The following SGK1 variants were observed in gnomAD, a reference collection of about 807,000 sequenced individuals.
SGK1 encodes serine/threonine-protein kinase Sgk1.
A neutral mutation model predicts 64.2 loss-of-function variants in SGK1; 26 were observed. The ratio of observed to expected loss-of-function variants is 0.40; its 90% CI spans 0.30 to 0.56. The LOEUF (loss-of-function observed/expected upper bound fraction) is 0.56, where lower values mean the gene tolerates loss of function less well. SGK1 is among the 20% of genes least tolerant of loss of function. The pLI is 0.38. For synonymous variants in SGK1, 265 were observed against 239.7 expected, an observed-to-expected ratio of 1.11 and a Z score of -0.98; for missense variants, 519 against 645.6, an observed-to-expected ratio of 0.80 and a Z score of 2.12.
chr6:134,175,044 CCCGGGCGGGGGCGCGAGGA>C (rs1212393704), intron 3 of SGK1: 1 of 705,758 alleles, frequency 1.4e-6, no homozygotes, highest in Non-Finnish European at 2.1e-6. Context: ...GAGGGCGAGC[CCCGGGCGGGGGCGCGAGGA>C]CCGCCCGGGG....
intron 1 of SGK1, among the ~76,000 whole-genome samples, chr6:134,270,463 T>C (rs1776921945): frequency 6.7e-6 from 1 of 148,402 alleles, no homozygotes; most frequent in African/African-American, 2.4e-5. Context: ...TATTTACTTA[T>C]AGATCTCAAC....
chr6:134,243,716 C>G (rs941277218), intron 2 of SGK1, among the ~76,000 whole-genome samples: 2 of 152,100 alleles, frequency 1.3e-5, no homozygotes, highest in African/African-American at 4.8e-5. Flanking sequence ...TAAATTGTTA[C>G]CAATTTTCCA....
chr6:134,265,574 TATACATATACA>T lies in SGK1; in HGVS notation c.70-3437_70-3427del, dbSNP rs1562268958. 9.0e-3 allele frequency among the ~76,000 whole-genome samples: 1,313 copies of T among 146,508 alleles called. 22 individuals carry two copies. The highest frequency in any genetic ancestry group is 0.031 in the African/African-American group (1,239 of 40,272). On this transcript the variant is annotated intron_variant, in intron 1 of 13. Coordinates refer to ENST00000367858, the MANE Select transcript of SGK1 (RefSeq NM_001143676.3). ...TATTTTATATATATACATATATATT[TATACATATACA>T]TATATACATATACATATATATTTTA...
chr6:134,292,768 C>T (rs1037692920), intron 1 of SGK1, among the ~76,000 whole-genome samples: 3 of 152,134 alleles, frequency 2.0e-5, no homozygotes, highest in Admixed American at 2.0e-4. Flanking sequence ...ACATGACTGA[C>T]CTTAAAACAC....
At chr6:134,258,983 G>A (rs995284488) in intron 2 of SGK1, among the ~76,000 whole-genome samples, 1 of 151,722 alleles carries the variant, frequency 6.6e-6, no homozygotes, top group African/African-American at 2.4e-5. Flanking sequence ...GCAAAACCTT[G>A]TCTCAAAAAA....
intron 2 of SGK1, among the ~76,000 whole-genome samples, chr6:134,227,247 G>A (rs551321940): frequency 6.6e-6 from 1 of 151,922 alleles, no homozygotes; most frequent in Non-Finnish European, 1.5e-5. Flanking sequence ...TGATTCTCCT[G>A]CCTCAGCCTC....
intron 1 of SGK1, among the ~76,000 whole-genome samples, chr6:134,308,309 CT>C (rs1162589497): frequency 6.6e-6 from 1 of 152,186 alleles, no homozygotes; most frequent in Non-Finnish European, 1.5e-5. Context: ...AAACTATTAA[CT>C]TTCATTTTTC....
chr6:134,176,179 C>T (rs1775228047), intron 3 of SGK1, among the ~76,000 whole-genome samples: 1 of 152,142 alleles, frequency 6.6e-6, no homozygotes, highest in African/African-American at 2.4e-5. Context: ...CTCTGTGGGG[C>T]CTGCTCCTCT....
chr6:134,297,281 C>T, intron 1 of SGK1: 2 of 1,272,558 alleles, frequency 1.6e-6, no homozygotes, highest in Admixed American at 3.4e-5. Flanking sequence ...CCAGGGCCAG[C>T]TTGACGTTCA....
At chr6:134,200,304 T>A (rs1775660954) in intron 3 of SGK1, among the ~76,000 whole-genome samples, 1 of 152,136 alleles carries the variant, frequency 6.6e-6, no homozygotes, top group African/African-American at 2.4e-5. Context: ...TATTTTTCAT[T>A]TTTTCCCTAT....
chr6:134,251,193 G>C (rs1203330049), intron 2 of SGK1, among the ~76,000 whole-genome samples: 10 of 152,110 alleles, frequency 6.6e-5, no homozygotes, highest in Non-Finnish European at 1.2e-4. Context: ...AAAAATATAT[G>C]TATAATGATA....
chr6:134,172,859 A>C, intron 8 of SGK1, 85 bp from the exon 9 acceptor site: 2 of 1,190,720 alleles, frequency 1.7e-6, no homozygotes, highest in South Asian at 1.2e-5. Flanking sequence ...AACTGCAGGA[A>C]GTGGCCCCAA....
intron 2 of SGK1, chr6:134,215,076 A>C: frequency 2.2e-6 from 1 of 455,968 alleles, no homozygotes; most frequent in Non-Finnish European, 4.4e-6. Context: ...TCAGTTGTCC[A>C]GAAGTTTTGC....
chr6:134,229,120 C>T (rs558947881), intron 2 of SGK1, among the ~76,000 whole-genome samples: 1 of 152,136 alleles, frequency 6.6e-6, no homozygotes, highest in Non-Finnish European at 1.5e-5. Flanking sequence ...CGTGAGCCAC[C>T]GCGCCCAGCG....
chr6:134,295,126 C>T (rs570847524), intron 1 of SGK1, among the ~76,000 whole-genome samples: 1 of 152,000 alleles, frequency 6.6e-6, no homozygotes, highest in African/African-American at 2.4e-5. Flanking sequence ...CTCCTGCCCC[C>T]CAAGGGATGT....
At chr6:134,207,246 AAC>A in intron 3 of SGK1, 108 bp downstream of exon 3, 1 of 746,282 alleles carries the variant, frequency 1.3e-6, no homozygotes, top group Non-Finnish European at 2.2e-6. Context: ...AAAAACAAAA[AAC>A]AAACAAACAA....
chr6:134,273,436 AC>A, intron 1 of SGK1, among the ~76,000 whole-genome samples: 1 of 148,232 alleles, frequency 6.7e-6, no homozygotes, highest in South Asian at 2.2e-4. Context: ...TAAAAAAAAT[AC>A]AAAAAATTAG....
intron 1 of SGK1, among the ~76,000 whole-genome samples, chr6:134,300,788 A>C (rs975092128): frequency 1.3e-5 from 2 of 151,390 alleles, no homozygotes; most frequent in African/African-American, 4.9e-5. Flanking sequence ...ATGCGCCACC[A>C]CACCCGGCTA....
chr6:134,204,643 TC>T (rs1243629788), intron 3 of SGK1, among the ~76,000 whole-genome samples: 2 of 151,904 alleles, frequency 1.3e-5, no homozygotes, highest in Non-Finnish European at 2.9e-5. Context: ...AACCTCTGCT[TC>T]CTGGGTTCAA....
Sources: gnomAD v4.1 joint callset for allele counts (sites outside exome capture counted in the v4.1 genomes callset) on GRCh38, gnomAD v4.1.1 for gene constraint, MANE v1.5 for transcripts, NCBI Gene and HGNC (gene_info 2026-07-23, HGNC 2026-07-21) for gene names.